Variants in TBATA observed in about 807,000 individuals in gnomAD.
TBATA encodes thymus, brain and testes associated, also known as protein TBATA.
In TBATA, 47 loss-of-function variants were observed where a neutral mutation model predicts 38.7. The ratio of observed to expected loss-of-function variants is 1.21; its 90% confidence interval spans 0.96 to 1.55. The LOEUF (loss-of-function observed/expected upper bound fraction) is 1.55, where lower values mean the gene tolerates loss of function less well. Among genes scored for constraint, TBATA ranks in the 40% most tolerant of loss-of-function variants. The probability of loss-of-function intolerance (pLI) is 0.00; values close to 1 mark genes in which losing one functional copy is unlikely to be tolerated. For synonymous variants in TBATA, 183 were observed against 170.5 expected (o/e 1.07, Z -0.57); for missense variants, 436 against 435.6 (o/e 1.00, Z -0.01).
chr10:70,777,183 C>T lies in TBATA; in HGVS notation c.663G>A (p.Gln221=), dbSNP rs994191754. The change falls in exon 7 of 11, where the codon CAG becomes CAA. Residue 221 remains glutamine (Q), a synonymous_variant. Transcript: ENST00000456372. ...GCTCCTGATCCTGAAGGAGGAAAGCCTGGACTCCTTCATGTCTGCTGGAAG... is the reference window on the plus strand; with the variant it reads ...GCTCCTGATCCTGAAGGAGGAAAGCTTGGACTCCTTCATGTCTGCTGGAAG... ...SQSSSRHEGV[Q]AFLLQDQELL... The T allele has an allele frequency of 3.7e-6, 6 of 1,613,068 alleles. No individual in the cohort carries two copies. The highest frequency in any genetic ancestry group is 2.2e-5 in the East Asian group (1 of 44,886).
chr10:70,774,154 C>T (rs7077672), intron 9 of TBATA, 59 bp downstream of exon 9: 1,368,053 of 1,594,036 alleles, frequency 0.86, 589,673 homozygotes, highest in South Asian at 0.9. Flanking sequence ...CCAGGTCCCA[C>T]TGGCCTCACC....
rs1161644994 is a variant in TBATA, at chr10:70,774,214, T to A, written c.919A>T (p.Ser307Cys). The change falls in exon 9 of 11, where the codon AGT (serine) becomes TGT (cysteine). Residue 307 changes from serine (S) to cysteine (C), a missense_variant and splice_region_variant. Transcript: ENST00000456372. Reference sequence around the variant, plus strand: ...GGCAGGGCGGGGTGCGGGGCCCACCTGCAGGGTGGCTCTTGCTTCTCTTGA... The same window carrying A: ...GGCAGGGCGGGGTGCGGGGCCCACCAGCAGGGTGGCTCTTGCTTCTCTTGA... ...PPQEKQEPPC[S>C]QSPKKTKISP... The A allele has an allele frequency of 6.2e-7, 1 of 1,611,960 alleles. No individual in the cohort carries two copies. Among genetic ancestry groups the A allele is most frequent in the Non-Finnish European group, 8.5e-7 (1 of 1,179,536 alleles).
intron 3 of TBATA, chr10:70,782,452 G>T (rs997828252): frequency 7.7e-7 from 1 of 1,293,404 alleles, no homozygotes; most frequent in South Asian, 1.2e-5. Context: ...CCAGACTGTG[G>T]ACAGCCCAGA....
chr10:70,783,242 T>C, intron 3 of TBATA, 97 bp downstream of exon 3: 1 of 1,399,924 alleles, frequency 7.1e-7, no homozygotes. Context: ...TCTCTTGGAC[T>C]CCTAATCTGT....
At position 70,772,669 on chromosome 10, in the gene TBATA, T is replaced by C. The variant is rs1291774307; in HGVS notation, c.921-103A>G. ...GGTGGGGAAGGTGGTGCAGGTGCAG[T>C]CAGCTGTCTGCTCCAGGGAGAGGCA... is the stretch of plus-strand genomic sequence containing the variant. On this transcript the variant is annotated intron_variant, in intron 9 of 10. Coordinates refer to ENST00000456372, the MANE Select transcript of TBATA (RefSeq NM_001318241.2). 3.1e-5 allele frequency: 37 copies of C among 1,205,796 alleles called. No homozygotes were observed. The East Asian group carries it at 6.5e-4, about 21-fold the overall frequency. 74.7% of individuals were successfully genotyped at this position (1,205,796 alleles called of 1,614,324 possible).
At chr10:70,771,809 A>C (rs1436450443) in intron 10 of TBATA, among the ~76,000 whole-genome samples, 4 of 150,808 alleles carry the variant, frequency 2.7e-5, no homozygotes, top group African/African-American at 9.8e-5. Flanking sequence ...CCTGCCCCCC[A>C]CTCTAGTCTA....
rs1843566891 is a variant in TBATA at position 70,777,466 on chromosome 10, A to G, written c.508-128T>C. 4.8e-6 allele frequency: 4 copies of G among 839,630 alleles called. No homozygotes were observed. In the South Asian group the frequency reaches 6.8e-5, roughly 14 times the overall value. 52.0% of individuals were successfully genotyped at this position (839,630 alleles called of 1,614,324 possible). A position where few individuals can be genotyped will look rare whatever the true frequency, so the allele number is the denominator to read the frequency against. On this transcript the variant is annotated intron_variant, in intron 6 of 10. Transcript: ENST00000456372. ...TTCGCCTCCCAAATCCCAGCATCAC[A>G]GCGTTGCCAGGGTCCCAGGGTATCA...
At chr10:70,782,564 A>G (rs1844379421) in intron 3 of TBATA, 1 of 985,344 alleles carries the variant, frequency 1.0e-6, no homozygotes, top group Non-Finnish European at 1.2e-6. Flanking sequence ...AGACCAGACC[A>G]GCAAGTTCTG....
intron 6 of TBATA, 85 bp from the exon 7 acceptor site, chr10:70,777,423 G>GC: frequency 3.1e-6 from 4 of 1,306,724 alleles, no homozygotes; most frequent in Non-Finnish European, 4.2e-6. Flanking sequence ...AGGAGGCCGG[G>GC]TCACAATCCC....
At chr10:70,785,051 G>C (rs1308635041) in intron 1 of TBATA, among the ~76,000 whole-genome samples, 2 of 152,186 alleles carry the variant, frequency 1.3e-5, no homozygotes, top group East Asian at 3.9e-4. Context: ...AGCGGCTGTA[G>C]AGAGGCTGAC....
At chr10:70,774,972 G>A (rs1843200797) in intron 8 of TBATA, among the ~76,000 whole-genome samples, 1 of 152,214 alleles carries the variant, frequency 6.6e-6, no homozygotes, top group Admixed American at 6.5e-5. Context: ...CAAGGAGCAG[G>A]GGTAAGGAAA....
chr10:70,782,412 G>A (rs776066128), intron 3 of TBATA: 2 of 1,302,646 alleles, frequency 1.5e-6, no homozygotes, highest in South Asian at 2.5e-5. Flanking sequence ...CTGGGGATGG[G>A]GATGGTCTCA....
In TBATA at chr10:70,779,670, C is replaced by T. The variant is rs865962097; in HGVS notation, c.350G>A (p.Gly117Asp). Residue 117 changes from glycine to aspartate, a missense_variant, in exon 5 of 11, where the codon GGC (glycine) becomes GAC (aspartate). Coordinates refer to ENST00000456372, the MANE Select transcript of TBATA (RefSeq NM_001318241.2). The stretch of plus-strand genomic sequence containing the variant: ...GATGGTGGGTATCCCCATTTGACAG[C>T]CGGAAAAGACAGTTGACTCAGGCAA... Reference protein sequence around the residue: ...APLPESTVFSGCQMGIPTISV... With the variant: ...APLPESTVFSDCQMGIPTISV... 1 of 1,533,298 alleles carries T rather than the reference C, an allele frequency of 6.5e-7. No individual in the cohort carries two copies. The highest frequency in any genetic ancestry group is 1.5e-5 in the African/African-American group (1 of 68,942). 95.0% of individuals were successfully genotyped at this position (1,533,298 alleles called of 1,614,324 possible). A position where few individuals can be genotyped will look rare whatever the true frequency, so the allele number is the denominator to read the frequency against.
At chr10:70,777,569 GC>G (rs1589394048) in intron 6 of TBATA, among the ~76,000 whole-genome samples, 1 of 152,076 alleles carries the variant, frequency 6.6e-6, no homozygotes, top group East Asian at 1.9e-4. Context: ...CTGGCAGCTG[GC>G]CCTTCCACTA....
intron 6 of TBATA, chr10:70,777,846 A>T: frequency 2.2e-6 from 1 of 453,294 alleles, no homozygotes; most frequent in Non-Finnish European, 4.4e-6. Context: ...TCCAATTAAG[A>T]CTGGTAGTAT....
chr10:70,777,591 C>T (rs899927673), intron 6 of TBATA, among the ~76,000 whole-genome samples: 7 of 152,158 alleles, frequency 4.6e-5, no homozygotes, highest in African/African-American at 7.2e-5. Context: ...TCAGCTATCA[C>T]GCTTAAACCA....
rs774350593 is a variant in TBATA, at chr10:70,777,224, C to T, written c.622G>A (p.Gly208Ser). The change falls in exon 7 of 11, where the codon GGC becomes AGC. Residue 208 changes from glycine (G) to serine (S), a missense_variant. By Grantham distance (56) the Gly-to-Ser change is moderately conservative. Coordinates refer to ENST00000456372, the MANE Select transcript of TBATA (RefSeq NM_001318241.2). ...RAVGRRRSHQ[G>S]QQSQSSSRHE... ...CTGCTGGAAGACTGACTCTGCTGGC[C>T]CTGGTGAGATCTGCGGCGGCCGACA... is the stretch of plus-strand genomic sequence containing the variant. 1.2e-6 allele frequency: 2 copies of T among 1,613,632 alleles called. No individual in the cohort carries two copies. Among genetic ancestry groups the T allele is most frequent in the African/African-American group, 2.7e-5 (2 of 75,022 alleles).
intron 4 of TBATA, among the ~76,000 whole-genome samples, 155 bp downstream of exon 4, chr10:70,781,646 A>C (rs1023999487): frequency 3.9e-5 from 6 of 152,212 alleles, no homozygotes; most frequent in African/African-American, 1.4e-4. Flanking sequence ...CCCACTGAGC[A>C]GTCCTGGCTG....
In TBATA at chr10:70,783,517, G is replaced by A. The variant is rs547755158; in HGVS notation, c.-138C>T. On this transcript the variant is annotated 5_prime_UTR_variant, in exon 3 of 11. Coordinates refer to ENST00000456372, the MANE Select transcript of TBATA (RefSeq NM_001318241.2). ...GAACTGGTGGTGGAAGTGTAAACGGGAACAGGCACTTTAGGGGGAGAAATG... is the reference window on the plus strand; with the variant it reads ...GAACTGGTGGTGGAAGTGTAAACGGAAACAGGCACTTTAGGGGGAGAAATG... 2.5e-5 allele frequency: 24 copies of A among 947,752 alleles called. No homozygotes were observed. The African/African-American group carries it at 3.0e-4, about 12-fold the overall frequency. The allele number at this position is 947,752 out of a possible 1,614,324, so 58.7% of individuals were successfully genotyped here.
Sources: allele counts gnomAD v4.1 joint callset (sites outside exome capture counted in the v4.1 genomes callset), GRCh38; gene constraint gnomAD v4.1.1; transcripts MANE v1.5; gene names NCBI Gene and HGNC (gene_info 2026-07-23, HGNC 2026-07-21).